Variants in PLEKHA5 observed in about 807,000 individuals in gnomAD.
PLEKHA5 encodes the protein pleckstrin homology domain containing A5, also known as pleckstrin homology domain-containing family A member 5.
A neutral mutation model predicts 181.9 loss-of-function variants in PLEKHA5; 55 were observed. The observed-to-expected ratio is 0.30, with a 90% confidence interval of 0.24 to 0.38. PLEKHA5 has a LOEUF of 0.38. PLEKHA5 is among the 10% of genes least tolerant of loss of function. PLEKHA5 has a pLI of 1.00. For missense variants in PLEKHA5, 1,432 were observed against 1,549.5 expected, an observed-to-expected ratio of 0.92 and a Z score of 1.27; for synonymous variants, 535 against 529.4, an observed-to-expected ratio of 1.01 and a Z score of -0.15.
At chr12:19,361,431 T>TC (rs1267802956) in intron 28 of PLEKHA5, 151 bp from the exon 29 acceptor site, 1 of 526,060 alleles carries the variant, frequency 1.9e-6, no homozygotes, top group Admixed American at 3.7e-5. Flanking sequence ...GATCCGCCCT[T>TC]CTCGGCCTCC....
intron 14 of PLEKHA5, among the ~76,000 whole-genome samples, chr12:19,291,237 T>A (rs1391078706): frequency 6.6e-6 from 1 of 152,200 alleles, no homozygotes; most frequent in Non-Finnish European, 1.5e-5. Context: ...TTTTAAAATG[T>A]CTTATTTTTA....
intron 3 of PLEKHA5, chr12:19,153,095 G>A (rs1019642593): frequency 3.3e-5 from 5 of 150,742 alleles, no homozygotes; most frequent in African/African-American, 1.2e-4. Context: ...AGTATTGCCA[G>A]TACAGTGATA....
intron 2 of PLEKHA5, among the ~76,000 whole-genome samples, chr12:19,131,306 A>C (rs1030064183): frequency 6.6e-5 from 10 of 152,204 alleles, no homozygotes; most frequent in African/African-American, 2.4e-4. Flanking sequence ...GAGTTCACTG[A>C]AGTGACTAAT....
rs113345096 is a variant in PLEKHA5 at position 19,358,037 on chromosome 12, A to G, written c.3139-191A>G. ...TTTTTCTTTCTGTTATTGAGCATAC[A>G]TCACCAATTACTAGTTAAGGATCAA... On this transcript the variant is annotated intron_variant, in intron 26 of 31. Transcript: ENST00000429027. Among the ~76,000 whole-genome samples, 40 of 152,162 alleles carry G rather than the reference A, an allele frequency of 2.6e-4. 1 individual carries two copies. Among genetic ancestry groups the G allele is most frequent in the African/African-American group, 9.4e-4 (39 of 41,532 alleles).
chr12:19,281,372 T>C (rs1197314601), intron 11 of PLEKHA5, among the ~76,000 whole-genome samples: 2 of 151,804 alleles, frequency 1.3e-5, no homozygotes, highest in African/African-American at 4.8e-5. Flanking sequence ...AGCTCAGGAG[T>C]TTGAGATCGC....
intron 29 of PLEKHA5, among the ~76,000 whole-genome samples, chr12:19,362,288 C>T (rs756445117): frequency 2.6e-5 from 4 of 151,628 alleles, no homozygotes; most frequent in Non-Finnish European, 4.4e-5. Context: ...AATCCCAGCA[C>T]TTTGGGAGGC....
chr12:19,135,094 C>T (rs529135137), intron 3 of PLEKHA5, among the ~76,000 whole-genome samples: 2 of 152,256 alleles, frequency 1.3e-5, no homozygotes, highest in South Asian at 2.1e-4. Flanking sequence ...GGAAAGTTCT[C>T]ACTGCAAGAA....
At chr12:19,171,685 A>AT (rs2045927487) in intron 3 of PLEKHA5, among the ~76,000 whole-genome samples, 1 of 152,296 alleles carries the variant, frequency 6.6e-6, no homozygotes, top group South Asian at 2.1e-4. Flanking sequence ...AATTCTTGCA[A>AT]TTTTTAAAAA....
chr12:19,221,466 G>T (rs1217586415), intron 3 of PLEKHA5, among the ~76,000 whole-genome samples: 1 of 152,168 alleles, frequency 6.6e-6, no homozygotes, highest in Non-Finnish European at 1.5e-5. Flanking sequence ...AAGACCAGGG[G>T]TTTAGGGGGT....
chr12:19,220,015 A>G (rs192518673), intron 3 of PLEKHA5, among the ~76,000 whole-genome samples: 19 of 152,302 alleles, frequency 1.2e-4, no homozygotes, highest in Non-Finnish European at 2.4e-4. Flanking sequence ...ATGTTATGTA[A>G]TTACAAAACC....
At chr12:19,188,200 TA>T (rs1843641838) in intron 3 of PLEKHA5, among the ~76,000 whole-genome samples, 1 of 152,176 alleles carries the variant, frequency 6.6e-6, no homozygotes, top group Admixed American at 6.5e-5. Flanking sequence ...GAGTTGAGTG[TA>T]AAGAAGTGTC....
At chr12:19,360,696 A>T (rs2095197652) in intron 28 of PLEKHA5, among the ~76,000 whole-genome samples, 1 of 152,230 alleles carries the variant, frequency 6.6e-6, no homozygotes, top group Non-Finnish European at 1.5e-5. Context: ...CAGCTAGATT[A>T]AATTATCATT....
intron 15 of PLEKHA5, chr12:19,306,981 C>A: frequency 7.0e-7 from 1 of 1,431,078 alleles, no homozygotes; most frequent in Non-Finnish European, 9.8e-7. Flanking sequence ...CTCAGACTGG[C>A]GCTGTTCCAC....
intron 20 of PLEKHA5, among the ~76,000 whole-genome samples, chr12:19,333,454 C>T (rs1262511885): frequency 6.6e-6 from 1 of 151,090 alleles, no homozygotes; most frequent in East Asian, 2.0e-4. Context: ...GTGGTGCGCA[C>T]CTGTAGTCCC....
chr12:19,343,484 A>T, intron 22 of PLEKHA5, 50 bp downstream of exon 22: 1 of 1,024,896 alleles, frequency 9.8e-7, no homozygotes, highest in South Asian at 1.3e-5. Flanking sequence ...TATTACAGTC[A>T]TGTGTCGCTT....
At chr12:19,362,759 C>CA in intron 29 of PLEKHA5, among the ~76,000 whole-genome samples, 1 of 150,168 alleles carries the variant, frequency 6.7e-6, no homozygotes, top group African/African-American at 2.5e-5. Context: ...GACCCTGTCT[C>CA]AAAAAAATTT....
intron 3 of PLEKHA5, among the ~76,000 whole-genome samples, chr12:19,206,334 A>G (rs1381816043): frequency 6.6e-6 from 1 of 152,120 alleles, no homozygotes; most frequent in Non-Finnish European, 1.5e-5. Context: ...GATGAACACA[A>G]TTTTGATTAT....
chr12:19,255,985 C>T (rs1221760352), intron 5 of PLEKHA5, among the ~76,000 whole-genome samples: 1 of 150,650 alleles, frequency 6.6e-6, no homozygotes, highest in Non-Finnish European at 1.5e-5. Context: ...TTCAACCACA[C>T]GTAATTATTA....
At chr12:19,270,569 T>G (rs1210538577) in intron 10 of PLEKHA5, among the ~76,000 whole-genome samples, 1 of 152,320 alleles carries the variant, frequency 6.6e-6, no homozygotes, top group South Asian at 2.1e-4. Flanking sequence ...AATTGACCCA[T>G]GTATTTTTCC....
Sources: allele counts gnomAD v4.1 joint callset (sites outside exome capture counted in the v4.1 genomes callset), GRCh38; gene constraint gnomAD v4.1.1; transcripts MANE v1.5; gene names NCBI Gene and HGNC (gene_info 2026-07-23, HGNC 2026-07-21).